The following QTGAL variants were observed in gnomAD, a reference collection of about 807,000 sequenced individuals.
The protein encoded by QTGAL is BGnT-like protein 1.
chr17:82,955,074 C>G, the QTGAL span, among the ~76,000 whole-genome samples: 1 of 152,200 alleles, frequency 6.6e-6, no homozygotes, highest in African/African-American at 2.4e-5. Context: ...GCAAGGACTT[C>G]ATGACTAAAA....
chr17:83,051,588 T>C, the QTGAL span: 7 of 825,088 alleles, frequency 8.5e-6, no homozygotes, highest in South Asian at 1.3e-4. Context: ...CCGCGGGGCC[T>C]AAGGGCTGCT....
the QTGAL span, chr17:82,965,654 A>T: frequency 1.9e-6 from 3 of 1,606,736 alleles, no homozygotes; most frequent in Non-Finnish European, 2.5e-6. Flanking sequence ...CCCTTACCTG[A>T]CCTCCCTCGT....
chr17:83,028,702 G>A, the QTGAL span, among the ~76,000 whole-genome samples: 2 of 152,118 alleles, frequency 1.3e-5, no homozygotes, highest in South Asian at 2.1e-4. Context: ...TACGAACGCC[G>A]GAAAACTGTT....
chr17:82,972,186 G>C, the QTGAL span, among the ~76,000 whole-genome samples: 12 of 56,204 alleles, frequency 2.1e-4, no homozygotes, highest in Admixed American at 4.4e-4. Flanking sequence ...ACCTGGTGCC[G>C]ACACACCACA....
the QTGAL span, among the ~76,000 whole-genome samples, chr17:82,968,356 C>T: frequency 6.6e-6 from 1 of 152,058 alleles, no homozygotes; most frequent in African/African-American, 2.4e-5. Context: ...AACAAACTGC[C>T]GGTCAGGGCA....
chr17:83,035,216 G>C, the QTGAL span: 1 of 859,540 alleles, frequency 1.2e-6, no homozygotes, highest in Admixed American at 3.0e-5. Flanking sequence ...TTTCCCTCTT[G>C]TTGCCCAGGC....
chr17:83,051,696 C>G, the QTGAL span: 2 of 1,449,782 alleles, frequency 1.4e-6, no homozygotes, highest in Non-Finnish European at 9.0e-7. Flanking sequence ...GACGCGAGGA[C>G]CCAGCCTGCA....
chr17:82,993,437 T>C, the QTGAL span, among the ~76,000 whole-genome samples: 2 of 152,084 alleles, frequency 1.3e-5, no homozygotes, highest in African/African-American at 4.8e-5. Context: ...GTCATAAATA[T>C]ATATGCACCC....
At chr17:83,010,590 G>A in the QTGAL span, among the ~76,000 whole-genome samples, 2 of 152,372 alleles carry the variant, frequency 1.3e-5, no homozygotes, top group East Asian at 1.9e-4. Flanking sequence ...AGGGGCTGAC[G>A]CCCCAGCCCT....
the QTGAL span, among the ~76,000 whole-genome samples, chr17:82,996,280 T>C: frequency 6.6e-6 from 1 of 152,140 alleles, no homozygotes; most frequent in South Asian, 2.1e-4. Flanking sequence ...TCCCAGCACT[T>C]TGGGAGGCCA....
At chr17:83,049,279 A>G in the QTGAL span, 1 of 153,752 alleles carries the variant, frequency 6.5e-6, no homozygotes, top group Non-Finnish European at 1.4e-5. Context: ...ACAAAACAAA[A>G]AAACTGAAAG....
chr17:82,991,126 C>A, the QTGAL span, among the ~76,000 whole-genome samples: 4 of 151,826 alleles, frequency 2.6e-5, no homozygotes, highest in South Asian at 2.1e-4. Flanking sequence ...CAAAACTATA[C>A]ACTTTTTAGA....
chr17:83,046,808 G>A, the QTGAL span, among the ~76,000 whole-genome samples: 2 of 152,166 alleles, frequency 1.3e-5, no homozygotes, highest in African/African-American at 4.8e-5. Context: ...GTATCAAAGG[G>A]TAGAACAACT....
At chr17:82,975,942 G>C in the QTGAL span, among the ~76,000 whole-genome samples, 1 of 52,936 alleles carries the variant, frequency 1.9e-5, no homozygotes, top group African/African-American at 1.4e-4. Context: ...CCAGGGACCA[G>C]AGGCCACTAT....
the QTGAL span, among the ~76,000 whole-genome samples, chr17:83,046,227 T>C: frequency 6.6e-6 from 1 of 152,178 alleles, no homozygotes. Flanking sequence ...CCTCCCGGGT[T>C]CAAGCGATTC....
the QTGAL span, among the ~76,000 whole-genome samples, chr17:82,952,665 AT>A: frequency 6.6e-6 from 1 of 152,226 alleles, no homozygotes; most frequent in Non-Finnish European, 1.5e-5. Context: ...TAACAAGGAT[AT>A]TCAGGACTTG....
the QTGAL span, chr17:82,948,041 A>G: frequency 2.6e-5 from 4 of 152,280 alleles, no homozygotes; most frequent in Non-Finnish European, 5.9e-5. Flanking sequence ...GGAGGAAGAC[A>G]TTTGCAAAAC....
the QTGAL span, among the ~76,000 whole-genome samples, chr17:83,024,436 C>T: frequency 6.6e-6 from 1 of 152,270 alleles, no homozygotes; most frequent in African/African-American, 2.4e-5. Flanking sequence ...AGACCACGCA[C>T]AAGACAGGCG....
chr17:83,035,144 A>G, the QTGAL span: 3 of 1,510,426 alleles, frequency 2.0e-6, no homozygotes, highest in African/African-American at 1.4e-5. Flanking sequence ...TTCAGTTTCC[A>G]GCAGCATTCT....
Sources: gnomAD v4.1 joint callset for allele counts (sites outside exome capture counted in the v4.1 genomes callset) on GRCh38, gnomAD v4.1.1 for gene constraint, MANE v1.5 for transcripts, NCBI Gene and HGNC (gene_info 2026-07-23, HGNC 2026-07-21) for gene names.